Variants in PHF24 observed in about 807,000 individuals in gnomAD.
The protein encoded by PHF24 is PHD finger protein 24, also known as Galpha inhibitory interacting protein.
Under a neutral mutation model 42.6 loss-of-function variants are expected in PHF24, and 25 were observed. The ratio of observed to expected loss-of-function variants is 0.59; its 90% CI spans 0.43 to 0.82. The LOEUF (loss-of-function observed/expected upper bound fraction) is 0.82, where lower values mean the gene tolerates loss of function less well. PHF24 is among the 40% of genes least tolerant of loss of function. The pLI, the probability that PHF24 is intolerant of heterozygous loss-of-function variation, is 0.00. For synonymous variants in PHF24, 185 were observed against 204.8 expected (o/e 0.90, Z 0.83); for missense variants, 470 against 538.1 (o/e 0.87, Z 1.25).
At chr9:34,729,139 T>C in the PHF24 span, 6 of 1,011,774 alleles carry the variant, frequency 5.9e-6, no homozygotes, top group Non-Finnish European at 7.0e-6. Flanking sequence ...TAAGGAATTA[T>C]AGTCTCTGAG....
the PHF24 span, among the ~76,000 whole-genome samples, chr9:34,910,529 T>C: frequency 6.6e-6 from 1 of 152,240 alleles, no homozygotes; most frequent in Non-Finnish European, 1.5e-5. Context: ...CATTTCATAA[T>C]GTATATTTCA....
chr9:34,935,276 T>C, the PHF24 span, among the ~76,000 whole-genome samples: 3 of 152,132 alleles, frequency 2.0e-5, no homozygotes, highest in South Asian at 2.1e-4. Flanking sequence ...GAAAGTCTAA[T>C]TGATGTGGTG....
the PHF24 span, chr9:34,689,575 T>G: frequency 1.9e-6 from 1 of 536,080 alleles, no homozygotes; most frequent in Non-Finnish European, 3.3e-6. This position sits in a 1 kb window ranked among gnomAD's most constrained non-coding sequence, Gnocchi z 4.1. Context: ...ATCAATTAGT[T>G]GTAAACACCA....
chr9:34,872,193 A>T, the PHF24 span, among the ~76,000 whole-genome samples: 3 of 97,912 alleles, frequency 3.1e-5, no homozygotes, highest in Non-Finnish European at 4.9e-5. Context: ...TATTTTTATT[A>T]TTTTTTTATT....
At chr9:34,939,650 G>A in the PHF24 span, among the ~76,000 whole-genome samples, 2 of 152,340 alleles carry the variant, frequency 1.3e-5, no homozygotes, top group East Asian at 1.9e-4. Context: ...TGGCCTCAGA[G>A]CAAATGTAGT....
the PHF24 span, among the ~76,000 whole-genome samples, chr9:34,736,887 C>T: frequency 1.3e-5 from 2 of 152,160 alleles, no homozygotes; most frequent in African/African-American, 4.8e-5. Context: ...GCGTGGAATT[C>T]TATACCACGC....
chr9:34,818,636 C>G, the PHF24 span, among the ~76,000 whole-genome samples: 2 of 152,052 alleles, frequency 1.3e-5, no homozygotes, highest in African/African-American at 4.8e-5. Flanking sequence ...CTATATTTTT[C>G]TTGTAATTTG....
chr9:34,922,739 G>T, the PHF24 span: 1 of 1,584,430 alleles, frequency 6.3e-7, no homozygotes, highest in South Asian at 1.1e-5. Context: ...TACTTGAGAC[G>T]ATGCTCCAAG....
the PHF24 span, among the ~76,000 whole-genome samples, chr9:34,861,804 C>G: frequency 1.3e-5 from 2 of 152,272 alleles, no homozygotes; most frequent in South Asian, 4.1e-4. Flanking sequence ...TGATGAGGAA[C>G]AGGATATTTT....
chr9:34,666,310 C>T, the PHF24 span, among the ~76,000 whole-genome samples: 1 of 152,078 alleles, frequency 6.6e-6, no homozygotes, highest in Non-Finnish European at 1.5e-5. Flanking sequence ...AAGTCCAGTA[C>T]TGTTTTCTTA....
the PHF24 span, among the ~76,000 whole-genome samples, chr9:34,734,969 G>A: frequency 6.6e-6 from 1 of 152,102 alleles, no homozygotes; most frequent in Non-Finnish European, 1.5e-5. Flanking sequence ...TGCACTGACA[G>A]TAACATAGCA....
chr9:34,692,420 G>C, the PHF24 span, among the ~76,000 whole-genome samples: 1 of 152,132 alleles, frequency 6.6e-6, no homozygotes, highest in East Asian at 1.9e-4. Flanking sequence ...GAGGCTCAGA[G>C]CACAAAGCCA....
intron 2 of PHF24, among the ~76,000 whole-genome samples, 197 bp from the exon 3 acceptor site, chr9:34,972,149 A>G (rs1453483945): frequency 6.6e-6 from 1 of 152,200 alleles, no homozygotes; most frequent in African/African-American, 2.4e-5. Flanking sequence ...CATGGTCACA[A>G]AGACATGAGC....
the PHF24 span, among the ~76,000 whole-genome samples, chr9:34,819,759 A>G: frequency 6.6e-6 from 1 of 152,196 alleles, no homozygotes; most frequent in Non-Finnish European, 1.5e-5. Flanking sequence ...GTTTTTGAAA[A>G]GAATGTGTAC....
the PHF24 span, among the ~76,000 whole-genome samples, chr9:34,839,651 G>A: frequency 1.3e-5 from 2 of 152,126 alleles, no homozygotes; most frequent in Non-Finnish European, 2.9e-5. Flanking sequence ...TTACCTCACT[G>A]GCATGGTAAG....
the PHF24 span, among the ~76,000 whole-genome samples, chr9:34,747,235 C>G: frequency 2.6e-5 from 4 of 152,020 alleles, no homozygotes; most frequent in Non-Finnish European, 4.4e-5. Flanking sequence ...GGCAACACAG[C>G]AAGACCCTGT....
the PHF24 span, among the ~76,000 whole-genome samples, chr9:34,883,059 G>A: frequency 6.6e-5 from 10 of 152,136 alleles, no homozygotes; most frequent in East Asian, 7.7e-4. Flanking sequence ...AAATAATGCC[G>A]CATATCTACA....
At chr9:34,975,221 C>T (rs1827144975) in intron 3 of PHF24, among the ~76,000 whole-genome samples, 1 of 152,284 alleles carries the variant, frequency 6.6e-6, no homozygotes, top group Middle Eastern at 3.4e-3. Flanking sequence ...CCTTCCCTCA[C>T]ACACACACTC....
At chr9:34,793,049 T>G in the PHF24 span, among the ~76,000 whole-genome samples, 2 of 152,154 alleles carry the variant, frequency 1.3e-5, no homozygotes, top group African/African-American at 4.8e-5. Context: ...TAAAATATTT[T>G]TATCATAATT....
Sources: allele counts gnomAD v4.1 joint callset (sites outside exome capture counted in the v4.1 genomes callset), GRCh38; gene constraint gnomAD v4.1.1; non-coding constraint Gnocchi (gnomAD v3.1); transcripts MANE v1.5; gene names NCBI Gene and HGNC (gene_info 2026-07-23, HGNC 2026-07-21).